The following ASNS variants were observed in gnomAD, a reference collection of about 807,000 sequenced individuals.
The protein encoded by ASNS is asparagine synthetase (glutamine-hydrolyzing), also known as asparagine synthetase [glutamine-hydrolyzing].
A neutral mutation model predicts 62.6 loss-of-function variants in ASNS; 37 were observed. The ratio of observed to expected loss-of-function variants is 0.59; its 90% CI spans 0.45 to 0.78. The LOEUF is 0.78. ASNS is among the 30% of genes least tolerant of loss of function. The pLI, the probability that ASNS is intolerant of heterozygous loss-of-function variation, is 0.00. For synonymous variants in ASNS, 207 were observed against 237.9 expected (o/e 0.87, Z 1.19); for missense variants, 520 against 682.4 (o/e 0.76, Z 2.65).
chr7:97,864,316 G>T lies in ASNS; in HGVS notation c.430C>A (p.Pro144Thr). 1.9e-6 allele frequency: 3 copies of T among 1,613,686 alleles called. No individual in the cohort carries two copies. The highest frequency in any genetic ancestry group is 2.5e-6 in the Non-Finnish European group (3 of 1,179,756). Residue 144 changes from proline (P) to threonine (T), a missense_variant, in exon 4 of 13, where the codon CCT becomes ACT. Transcript: ENST00000394308. ...FLGRDTYGVR[P>T]LFKAMTEDGF... ...TCTTCTGTCATTGCTTTAAACAAAG[G>T]TCTGACTCCATATGTATCTCTACCC...
chr7:97,883,863 C>T, the ASNS span, among the ~76,000 whole-genome samples: 1 of 152,120 alleles, frequency 6.6e-6, no homozygotes, highest in Non-Finnish European at 1.5e-5. Flanking sequence ...TGGCGGGCGC[C>T]TGTAGTCGCA....
At chr7:97,893,487 T>C in the ASNS span, among the ~76,000 whole-genome samples, 1 of 152,230 alleles carries the variant, frequency 6.6e-6, no homozygotes, top group Admixed American at 6.5e-5. Context: ...GAAACTCACT[T>C]CACTTGTAAA....
At chr7:97,904,187 A>C in the ASNS span, among the ~76,000 whole-genome samples, 1 of 152,098 alleles carries the variant, frequency 6.6e-6, no homozygotes, top group South Asian at 2.1e-4. Flanking sequence ...TTTCTATTTT[A>C]TAAACGAGTA....
the ASNS span, among the ~76,000 whole-genome samples, chr7:97,886,859 CTATT>C: frequency 6.6e-6 from 1 of 152,098 alleles, no homozygotes; most frequent in African/African-American, 2.4e-5. Context: ...CTGGGGAAGA[CTATT>C]TAATTTCCTG....
At chr7:97,909,736 C>T in the ASNS span, among the ~76,000 whole-genome samples, 94 of 152,218 alleles carry the variant, frequency 6.2e-4, no homozygotes, top group Admixed American at 1.1e-3. Context: ...GAAACATTTC[C>T]CCCAAAACGC....
rs1792164000 is a variant in ASNS, at chr7:97,869,778, C to G, written c.-24G>C. On this transcript the variant is annotated splice_region_variant and 5_prime_UTR_variant, in exon 2 of 13. Transcript: ENST00000394308. ...TTTCACTATATTACATCTAGGTTAC[C>G]TTCAAGTGATTTATTCAGATGTGAT... The G allele has an allele frequency of 6.6e-6, 1 of 152,124 alleles. No homozygotes were observed. The highest frequency in any genetic ancestry group is 2.4e-5 in the African/African-American group (1 of 41,328). The allele number at this position is 152,124 out of a possible 1,614,324, so 9.4% of individuals were successfully genotyped here.
chr7:97,925,976 G>T, the ASNS span, among the ~76,000 whole-genome samples: 6 of 152,014 alleles, frequency 3.9e-5, no homozygotes, highest in Admixed American at 3.9e-4. Context: ...CGTCTTAATG[G>T]GATGGGTGTT....
chr7:97,893,297 C>G, the ASNS span, among the ~76,000 whole-genome samples: 1 of 152,246 alleles, frequency 6.6e-6, no homozygotes, highest in Non-Finnish European at 1.5e-5. Flanking sequence ...AAGATGAGAT[C>G]TGAGTGGGGA....
chr7:97,917,178 T>A, the ASNS span, among the ~76,000 whole-genome samples: 1 of 126,962 alleles, frequency 7.9e-6, no homozygotes, highest in South Asian at 2.4e-4. Flanking sequence ...TTTTTTAGGG[T>A]AAGCAGGTCC....
chr7:97,889,925 T>TAAAAAAA, the ASNS span, among the ~76,000 whole-genome samples: 1 of 7,298 alleles, frequency 1.4e-4, no homozygotes, highest in Non-Finnish European at 2.7e-4. Flanking sequence ...AGATAATGAA[T>TAAAAAAA]ACAAAAAAAA....
chr7:97,889,393 T>G, the ASNS span, among the ~76,000 whole-genome samples: 17,953 of 152,216 alleles, frequency 0.12, 1,126 homozygotes, highest in African/African-American at 0.14. Context: ...TGTACGTGCC[T>G]ATAGTCCCAG....
chr7:97,853,398 AAAG>A lies in ASNS; in HGVS notation c.1239-15_1239-13del. On this transcript the variant is annotated splice_polypyrimidine_tract_variant and intron_variant, in intron 10 of 12. Coordinates refer to ENST00000394308, the MANE Select transcript of ASNS (RefSeq NM_001673.5). ...CTCTCAGTTCAAGACTTAAAGGAGA[AAAG>A]AAGAAAATCTAAATTAAAATGGGTA... 6.2e-7 allele frequency: 1 copy of A among 1,606,982 alleles called. No individual in the cohort carries two copies. Among genetic ancestry groups the A allele is most frequent in the Non-Finnish European group, 8.5e-7 (1 of 1,176,316 alleles).
chr7:97,858,973 A>T lies in ASNS; in HGVS notation c.674-18T>A. ...CTCAAAACCTATAAACACAGCAGTAAATCAAACAGCTCCAGAAAATCTTGG... is the reference window on the plus strand; with the variant it reads ...CTCAAAACCTATAAACACAGCAGTATATCAAACAGCTCCAGAAAATCTTGG... On this transcript the variant is annotated intron_variant, in intron 5 of 12. Coordinates refer to ENST00000394308, the MANE Select transcript of ASNS (RefSeq NM_001673.5). The T allele has an allele frequency of 6.3e-7, 1 of 1,587,590 alleles. No homozygotes were observed. Among genetic ancestry groups the T allele is most frequent in the Non-Finnish European group, 8.6e-7 (1 of 1,167,426 alleles).
the ASNS span, among the ~76,000 whole-genome samples, chr7:97,881,776 CA>C: frequency 1.3e-5 from 2 of 152,224 alleles, no homozygotes; most frequent in African/African-American, 4.8e-5. Context: ...ATAAGGCAGC[CA>C]GGGGCAGGAG....
the ASNS span, among the ~76,000 whole-genome samples, chr7:97,877,989 G>GA: frequency 2.0e-5 from 3 of 152,198 alleles, no homozygotes; most frequent in Non-Finnish European, 4.4e-5. Context: ...CTTTCTCAAG[G>GA]AACAGCAGGC....
the ASNS span, among the ~76,000 whole-genome samples, chr7:97,924,297 CA>C: frequency 1.2e-4 from 18 of 152,290 alleles, no homozygotes; most frequent in African/African-American, 2.4e-4. Flanking sequence ...CACTTTCGGC[CA>C]GGGGGGGATG....
chr7:97,928,163 G>A, the ASNS span: 8 of 1,520,640 alleles, frequency 5.3e-6, no homozygotes, highest in Non-Finnish European at 7.0e-6. Context: ...CGCAGTCCTG[G>A]GGCTGTGCGC....
At chr7:97,922,996 G>T in the ASNS span, among the ~76,000 whole-genome samples, 5 of 152,004 alleles carry the variant, frequency 3.3e-5, no homozygotes, top group Non-Finnish European at 7.4e-5. Flanking sequence ...CGCCATGTTG[G>T]CTAGGCTGGT....
the ASNS span, among the ~76,000 whole-genome samples, chr7:97,900,021 C>T: frequency 1.3e-5 from 2 of 152,130 alleles, no homozygotes; most frequent in East Asian, 3.8e-4. Context: ...ATCAAAACCA[C>T]AATGAGATAC....
Sources: allele counts gnomAD v4.1 joint callset (sites outside exome capture counted in the v4.1 genomes callset), GRCh38; gene constraint gnomAD v4.1.1; transcripts MANE v1.5; gene names NCBI Gene and HGNC (gene_info 2026-07-23, HGNC 2026-07-21).